MYLK: variants seen among roughly 807,000 people sequenced by gnomAD.
MYLK encodes myosin light chain kinase, also known as myosin light chain kinase, smooth muscle.
MYLK carries 106 observed loss-of-function variants against 203.4 expected under a neutral mutation model. That is an observed-to-expected ratio of 0.52 (90% CI 0.45 to 0.61). MYLK has a LOEUF of 0.61. Ranked by LOEUF, MYLK falls within the 20% of genes least tolerant of loss-of-function variation. The probability of loss-of-function intolerance (pLI) is 0.00; values close to 1 mark genes in which losing one functional copy is unlikely to be tolerated. For synonymous variants in MYLK, 867 were observed against 959.5 expected (o/e 0.90, Z 1.78); for missense variants, 2,072 against 2,442.3 (o/e 0.85, Z 3.20).
intron 33 of MYLK, 153 bp downstream of exon 33, chr3:123,618,486 G>T: frequency 1.0e-6 from 1 of 967,458 alleles, no homozygotes; most frequent in Non-Finnish European, 1.6e-6. Flanking sequence ...CCCTTTATGA[G>T]CAGCTCCTGC....
intron 16 of MYLK, among the ~76,000 whole-genome samples, chr3:123,704,995 G>C (rs1576648794): frequency 6.6e-6 from 1 of 152,280 alleles, no homozygotes; most frequent in East Asian, 1.9e-4. Context: ...CTGGAATTTT[G>C]AGCTGACTTT....
At chr3:123,802,519 A>AGAG (rs1409988383) in intron 3 of MYLK, among the ~76,000 whole-genome samples, 1 of 152,268 alleles carries the variant, frequency 6.6e-6, no homozygotes, top group Non-Finnish European at 1.5e-5. Context: ...GCTCAGCAAC[A>AGAG]CAACCCTGGT....
At chr3:123,618,495 G>C in intron 33 of MYLK, 144 bp downstream of exon 33, 3 of 1,119,802 alleles carry the variant, frequency 2.7e-6, no homozygotes, top group East Asian at 2.4e-5. Flanking sequence ...AGCAGCTCCT[G>C]CTGACCCAGT....
At chr3:123,835,937 T>G (rs2066465904) in intron 2 of MYLK, 2 of 152,370 alleles carry the variant, frequency 1.3e-5, no homozygotes, top group South Asian at 4.1e-4. Context: ...GAAGAAATGC[T>G]GCACAGAGAG....
At position 123,647,291 on chromosome 3, in the gene MYLK, G is replaced by C; in HGVS notation, c.4552C>G (p.His1518Asp). 6.2e-7 allele frequency: 1 copy of C among 1,614,222 alleles called. No homozygotes were observed. Among genetic ancestry groups the C allele is most frequent in the Non-Finnish European group, 8.5e-7 (1 of 1,180,038 alleles). The change falls in exon 27 of 34, where the codon CAC becomes GAC. Residue 1518 changes from histidine (H) to aspartate (D), a missense_variant. His to Asp is a moderately conservative substitution (Grantham distance 81, BLOSUM62 -1). This residue lies in a region of MYLK where 524 missense variants were observed against 782.4 expected (regional missense o/e 0.67). Transcript: ENST00000360304. ...QEISIMNCLH[H>D]PKLVQCVDAF... ...TCCACACACTGGACCAGCTTAGGGT[G>C]GTGGAGGCAGTTCATGATGCTAATC...
At chr3:123,788,393 T>A (rs932027354) in intron 4 of MYLK, among the ~76,000 whole-genome samples, 2 of 152,192 alleles carry the variant, frequency 1.3e-5, no homozygotes, top group South Asian at 4.2e-4. Context: ...TTATTTCTTT[T>A]TTTTTTTAAT....
chr3:123,712,111 G>C (rs2061719720), intron 13 of MYLK, among the ~76,000 whole-genome samples: 1 of 152,226 alleles, frequency 6.6e-6, no homozygotes, highest in Non-Finnish European at 1.5e-5. Flanking sequence ...GGGGCTCTCA[G>C]GCCCCTGCTG....
At chr3:123,767,443 C>A (rs771214942) in intron 4 of MYLK, among the ~76,000 whole-genome samples, 12 of 152,288 alleles carry the variant, frequency 7.9e-5, no homozygotes, top group Admixed American at 6.5e-4. Context: ...CCCGCCTGTA[C>A]TAAAAATTCA....
intron 3 of MYLK, among the ~76,000 whole-genome samples, chr3:123,808,791 G>A (rs945771522): frequency 8.5e-5 from 13 of 152,218 alleles, no homozygotes; most frequent in East Asian, 1.9e-4. Flanking sequence ...TAAGTTTACT[G>A]TAATTTTCAA....
chr3:123,862,526 C>T (rs1025369589), intron 2 of MYLK, among the ~76,000 whole-genome samples: 7 of 152,152 alleles, frequency 4.6e-5, no homozygotes, highest in South Asian at 2.1e-4. Flanking sequence ...GAAGCCAGGT[C>T]TGTCTAACAG....
intron 11 of MYLK, among the ~76,000 whole-genome samples, chr3:123,728,724 T>C (rs2062380377): frequency 2.0e-5 from 3 of 152,164 alleles, no homozygotes; most frequent in Admixed American, 1.3e-4. Flanking sequence ...ATGGTACTTG[T>C]GAAAATCAGC....
At chr3:123,661,472 A>C (rs76810901) in intron 23 of MYLK, among the ~76,000 whole-genome samples, 3,894 of 152,306 alleles carry the variant, frequency 0.026, 69 homozygotes, top group Middle Eastern at 0.092. Flanking sequence ...AATTATTCAA[A>C]TAAACACCTG....
chr3:123,726,073 C>T lies in MYLK; in HGVS notation c.1522G>A (p.Ala508Thr), dbSNP rs2062271350. The T allele has an allele frequency of 1.2e-6, 2 of 1,614,070 alleles. No individual in the cohort carries two copies. Among genetic ancestry groups the T allele is most frequent in the Non-Finnish European group, 1.7e-6 (2 of 1,180,036 alleles). Residue 508 changes from alanine (A) to threonine (T), a missense_variant, in exon 12 of 34, where the codon GCC becomes ACC. By Grantham distance (58) the Ala-to-Thr change is moderately conservative (BLOSUM62 0). Transcript: ENST00000360304. Reference sequence around the variant, plus strand: ...AAGGAGGGGGCCACCTCCATCACGGCAAGCCCTGTGAGGGAAAAGGACAGG... The same window carrying T: ...AAGGAGGGGGCCACCTCCATCACGGTAAGCCCTGTGAGGGAAAAGGACAGG... Reference protein sequence around the residue: ...CSWTLQVERLAVMEVAPSFSS... With the variant: ...CSWTLQVERLTVMEVAPSFSS...
intron 2 of MYLK, among the ~76,000 whole-genome samples, chr3:123,837,184 C>A (rs922958780): frequency 6.6e-6 from 1 of 152,096 alleles, no homozygotes; most frequent in Non-Finnish European, 1.5e-5. Context: ...AGGCATGCAC[C>A]ACCATGCCTG....
At chr3:123,807,619 G>A (rs1028824746) in intron 3 of MYLK, among the ~76,000 whole-genome samples, 8 of 152,114 alleles carry the variant, frequency 5.3e-5, no homozygotes, top group South Asian at 2.1e-4. Flanking sequence ...CTAAACAAAC[G>A]GGGTGACTTC....
intron 16 of MYLK, among the ~76,000 whole-genome samples, chr3:123,703,416 C>T (rs1475755353): frequency 2.6e-5 from 4 of 152,194 alleles, no homozygotes; most frequent in Admixed American, 2.6e-4. Flanking sequence ...AGCTCTTTCA[C>T]TCCTCTCTCC....
In MYLK at chr3:123,707,616, C is replaced by A. The variant is rs566436683; in HGVS notation, c.2390+138G>T. On this transcript the variant is annotated intron_variant, in intron 16 of 33. Transcript: ENST00000360304. ...AAGAAGCAAAAGCTTGTGAGCAGCA[C>A]TGAGCCCGCACTTGCTTTACCTGGA... 6.8e-5 allele frequency: 90 copies of A among 1,332,634 alleles called. No individual in the cohort carries two copies. The African/African-American group carries it at 1.2e-3, about 18-fold the overall frequency. 82.6% of individuals were successfully genotyped at this position (1,332,634 alleles called of 1,614,324 possible).
intron 4 of MYLK, among the ~76,000 whole-genome samples, chr3:123,771,319 T>C (rs370287467): frequency 6.6e-6 from 1 of 152,226 alleles, no homozygotes; most frequent in East Asian, 1.9e-4. Flanking sequence ...GAGTTTACCC[T>C]GAAAATCTCA....
chr3:123,831,137 A>AT (rs1404741102), intron 3 of MYLK, among the ~76,000 whole-genome samples: 1 of 152,182 alleles, frequency 6.6e-6, no homozygotes, highest in Non-Finnish European at 1.5e-5. Flanking sequence ...GAGTCAAAGG[A>AT]GAAATCAAAA....
Sources: gnomAD v4.1 joint callset for allele counts (sites outside exome capture counted in the v4.1 genomes callset) on GRCh38, gnomAD v4.1.1 for gene constraint, gnomAD v4.1.1 regional missense constraint, MANE v1.5 for transcripts, NCBI Gene and HGNC (gene_info 2026-07-23, HGNC 2026-07-21) for gene names.